The following CAB39L variants were observed in gnomAD, a reference collection of about 807,000 sequenced individuals.
The protein encoded by CAB39L is calcium-binding protein 39-like.
In CAB39L, 23 loss-of-function variants were observed where a neutral mutation model predicts 39.1. The observed-to-expected ratio is 0.59, with a 90% CI of 0.42 to 0.83. The LOEUF (loss-of-function observed/expected upper bound fraction) is 0.83, where lower values mean the gene tolerates loss of function less well. Among genes scored for constraint, CAB39L ranks in the 40% least tolerant of loss-of-function variants. The pLI is 0.00. For missense variants in CAB39L, 366 were observed against 391.9 expected (o/e 0.93, Z 0.56); for synonymous variants, 126 against 137.2 (o/e 0.92, Z 0.57).
chr13:49,392,156 G>A (rs1360918354), intron 3 of CAB39L, among the ~76,000 whole-genome samples: 1 of 152,018 alleles, frequency 6.6e-6, no homozygotes, highest in African/African-American at 2.4e-5. Flanking sequence ...TTGTCATGAA[G>A]AGAATATATA....
chr13:49,350,375 T>C (rs1336663694), intron 7 of CAB39L, among the ~76,000 whole-genome samples: 1 of 152,248 alleles, frequency 6.6e-6, no homozygotes, highest in East Asian at 1.9e-4. Flanking sequence ...CTGTTTCCTA[T>C]GCATCCTTGC....
At chr13:49,419,428 AT>A (rs536580760) in intron 3 of CAB39L, among the ~76,000 whole-genome samples, 167 of 152,328 alleles carry the variant, frequency 1.1e-3, no homozygotes, top group Middle Eastern at 3.4e-3. Flanking sequence ...AAATACAAAA[AT>A]TAGCCACATG....
chr13:49,378,505 G>A lies in CAB39L; in HGVS notation c.112-1374C>T, dbSNP rs1344570933. Reference sequence around the variant, plus strand: ...CTACTGGGAAGTGAGGAGCCCCTCAGCCCGGCCAGCCACCCCGTCCGGGAG... The same window carrying A: ...CTACTGGGAAGTGAGGAGCCCCTCAACCCGGCCAGCCACCCCGTCCGGGAG... On this transcript the variant is annotated intron_variant, in intron 4 of 10. Coordinates refer to ENST00000409308, the MANE Select transcript of CAB39L (RefSeq NM_001079670.3). Among the ~76,000 whole-genome samples, 4 of 64,222 alleles carry A rather than the reference G, an allele frequency of 6.2e-5. 1 individual carries two copies. The highest frequency in any genetic ancestry group is 1.2e-4 in the Non-Finnish European group (4 of 32,274). 42.1% of individuals were successfully genotyped at this position (64,222 alleles called of 152,430 possible).
At chr13:49,377,177 T>A (rs769611932) in intron 4 of CAB39L, 46 bp from the exon 5 acceptor site, 2 of 1,519,098 alleles carry the variant, frequency 1.3e-6, no homozygotes, top group African/African-American at 2.8e-5. Context: ...TAAAAATGTT[T>A]AGGCCATAAA....
chr13:49,430,336 G>A (rs1957302164), intron 3 of CAB39L, among the ~76,000 whole-genome samples: 1 of 152,094 alleles, frequency 6.6e-6, no homozygotes. Flanking sequence ...TTTGCCATAG[G>A]AAATCAGTAA....
intron 3 of CAB39L, among the ~76,000 whole-genome samples, chr13:49,392,544 G>A (rs1020664911): frequency 2.6e-5 from 4 of 152,148 alleles, no homozygotes; most frequent in Non-Finnish European, 5.9e-5. Flanking sequence ...AGGAGGCTGA[G>A]GCAGGAGAAT....
At chr13:49,313,435 C>G in intron 10 of CAB39L, among the ~76,000 whole-genome samples, 1 of 151,078 alleles carries the variant, frequency 6.6e-6, no homozygotes, top group East Asian at 1.9e-4. Context: ...GAGCTGAGAT[C>G]GCGCCACTGC....
At chr13:49,417,548 C>G (rs9568200) in intron 3 of CAB39L, among the ~76,000 whole-genome samples, 1 of 151,784 alleles carries the variant, frequency 6.6e-6, no homozygotes, top group Non-Finnish European at 1.5e-5. Flanking sequence ...AATATGTTAA[C>G]GATATTAAAA....
chr13:49,438,581 T>C (rs1370741560), intron 1 of CAB39L, among the ~76,000 whole-genome samples: 5 of 152,358 alleles, frequency 3.3e-5, no homozygotes, highest in Middle Eastern at 3.4e-3. Flanking sequence ...TTTGGTGAGA[T>C]AGGAATTATT....
rs191969943 is a variant in CAB39L, at chr13:49,342,520, A to G, written c.624+1659T>C. ...TTAGGCATCAATAATACAAATAGTTAAGTGCTGCTTTAAGACAGCAGATTA... is the reference window on the plus strand; with the variant it reads ...TTAGGCATCAATAATACAAATAGTTGAGTGCTGCTTTAAGACAGCAGATTA... On this transcript the variant is annotated intron_variant, in intron 8 of 10. Transcript: ENST00000409308. Among the ~76,000 whole-genome samples, 525 of 152,348 alleles carry G rather than the reference A, an allele frequency of 3.4e-3. 2 individuals carry two copies. The highest frequency in any genetic ancestry group is 0.011 in the African/African-American group (446 of 41,572).
intron 6 of CAB39L, among the ~76,000 whole-genome samples, chr13:49,357,048 C>A (rs1250709411): frequency 1.9e-3 from 228 of 122,932 alleles, no homozygotes; most frequent in Middle Eastern, 4.3e-3. Flanking sequence ...GACTCCATCT[C>A]AAAAAAAAAA....
chr13:49,411,277 G>A (rs1041939846), intron 3 of CAB39L, among the ~76,000 whole-genome samples: 2 of 151,708 alleles, frequency 1.3e-5, no homozygotes, highest in African/African-American at 4.8e-5. Flanking sequence ...GGGCATGGCG[G>A]TGTGTGCCTG....
chr13:49,378,783 CCCGG>C (rs1956178372), intron 4 of CAB39L, among the ~76,000 whole-genome samples: 1 of 58,356 alleles, frequency 1.7e-5, no homozygotes, highest in Non-Finnish European at 3.4e-5. Flanking sequence ...AGCCCCCCCG[CCCGG>C]CCAGCCGCCC....
intron 6 of CAB39L, among the ~76,000 whole-genome samples, chr13:49,354,347 A>G (rs940257292): frequency 6.6e-6 from 1 of 152,204 alleles, no homozygotes; most frequent in Admixed American, 6.5e-5. Context: ...GTACTCTTTA[A>G]GTGATTTATA....
chr13:49,372,874 C>T (rs1230172324), intron 5 of CAB39L, among the ~76,000 whole-genome samples: 2 of 152,214 alleles, frequency 1.3e-5, no homozygotes, highest in African/African-American at 4.8e-5. Context: ...GAGGTTTCAC[C>T]GTGTTAGCTA....
At chr13:49,349,016 CTT>C (rs1397050038) in intron 7 of CAB39L, among the ~76,000 whole-genome samples, 6 of 152,324 alleles carry the variant, frequency 3.9e-5, no homozygotes, top group African/African-American at 1.2e-4. Flanking sequence ...CTCTCTCACA[CTT>C]TGTGTCACCA....
chr13:49,397,073 A>G (rs1352763160), intron 3 of CAB39L, among the ~76,000 whole-genome samples: 6 of 152,198 alleles, frequency 3.9e-5, no homozygotes, highest in Non-Finnish European at 7.4e-5. Flanking sequence ...TATATATGTA[A>G]TAATACCATA....
chr13:49,382,079 T>G (rs777450879), intron 4 of CAB39L, among the ~76,000 whole-genome samples: 59 of 152,158 alleles, frequency 3.9e-4, no homozygotes, highest in Non-Finnish European at 8.1e-4. Context: ...TTTATTGTGG[T>G]TTTAGTTGGC....
intron 3 of CAB39L, among the ~76,000 whole-genome samples, chr13:49,386,719 C>G (rs992596551): frequency 5.3e-5 from 8 of 151,648 alleles, no homozygotes; most frequent in African/African-American, 1.9e-4. Flanking sequence ...AGCACCCAGA[C>G]CCCCTGCAAA....
Sources: gnomAD v4.1 joint callset for allele counts (sites outside exome capture counted in the v4.1 genomes callset) on GRCh38, gnomAD v4.1.1 for gene constraint, MANE v1.5 for transcripts, NCBI Gene and HGNC (gene_info 2026-07-23, HGNC 2026-07-21) for gene names.